Variants in CNTNAP3B observed in about 807,000 individuals in gnomAD.
The protein encoded by CNTNAP3B is contactin-associated protein-like 3B.
In CNTNAP3B, 25 loss-of-function variants were observed where a neutral mutation model predicts 108.9. The ratio of observed to expected loss-of-function variants is 0.23; its 90% CI spans 0.17 to 0.32. The LOEUF is 0.32. Ranked by LOEUF, CNTNAP3B falls within the 10% of genes least tolerant of loss-of-function variation. The probability of loss-of-function intolerance (pLI) is 1.00; values close to 1 mark genes in which losing one functional copy is unlikely to be tolerated. For missense variants in CNTNAP3B, 252 were observed against 1,210.4 expected, an observed-to-expected ratio of 0.21 and a Z score of 11.75; for synonymous variants, 103 against 473.4, an observed-to-expected ratio of 0.22 and a Z score of 10.16.
intron 3 of CNTNAP3B, among the ~76,000 whole-genome samples, chr9:42,070,800 C>T (rs1349227018): frequency 1.6e-4 from 25 of 152,114 alleles, no homozygotes; most frequent in African/African-American, 3.1e-4. Flanking sequence ...CAGTCAGGCC[C>T]GGAAAATAAA....
At chr9:41,916,981 T>C (rs1193382767) in intron 18 of CNTNAP3B, among the ~76,000 whole-genome samples, 1 of 151,406 alleles carries the variant, frequency 6.6e-6, no homozygotes, top group African/African-American at 2.4e-5. Flanking sequence ...TTCTTGACTT[T>C]GGCTTTCAAA....
chr9:42,035,244 C>T (rs62554964), intron 3 of CNTNAP3B, among the ~76,000 whole-genome samples: 1,436 of 138,358 alleles, frequency 0.01, 30 homozygotes, highest in South Asian at 0.045. Flanking sequence ...CACAGTAATC[C>T]CATAAGGCAG....
intron 16 of CNTNAP3B, among the ~76,000 whole-genome samples, chr9:41,923,696 A>T (rs1449216239): frequency 6.6e-6 from 1 of 152,422 alleles, no homozygotes; most frequent in East Asian, 1.9e-4. Context: ...CAGGAGGCTG[A>T]GGTTGCAGTG....
intron 11 of CNTNAP3B, among the ~76,000 whole-genome samples, chr9:41,961,201 G>T (rs1387517021): frequency 1.3e-5 from 2 of 152,306 alleles, no homozygotes; most frequent in Non-Finnish European, 2.9e-5. Context: ...AGATTGTGTT[G>T]GTGTTCAAAC....
intron 2 of CNTNAP3B, among the ~76,000 whole-genome samples, chr9:42,094,817 G>C: frequency 7.9e-6 from 1 of 126,954 alleles, no homozygotes; most frequent in Non-Finnish European, 1.7e-5. Context: ...ACCTTACATG[G>C]TCCACAATAC....
At chr9:41,979,667 A>AAAT (rs1490364758) in intron 9 of CNTNAP3B, 1 of 31,384 alleles carries the variant, frequency 3.2e-5, no homozygotes, top group East Asian at 1.8e-3. Flanking sequence ...ATATATATAT[A>AAAT]TTTTTTTTTT....
rs1220243589 is a variant in CNTNAP3B, at chr9:42,097,665, C to G, written c.196+6964G>C. 1.5e-5 allele frequency among the ~76,000 whole-genome samples: 2 copies of G among 137,662 alleles called. 1 individual carries two copies. 90.3% of individuals were successfully genotyped at this position (137,662 alleles called of 152,430 possible). A position where few individuals can be genotyped will look rare whatever the true frequency, so the allele number is the denominator to read the frequency against. ...ATTAGCTGAATTGTAATTGATCTTA[C>G]ATTTTGATTTTGTGAAATATATATT... On this transcript the variant is annotated intron_variant, in intron 2 of 23. Transcript: ENST00000377561.
chr9:41,976,857 C>T (rs1825524733), intron 9 of CNTNAP3B, among the ~76,000 whole-genome samples: 1 of 131,148 alleles, frequency 7.6e-6, no homozygotes, highest in Non-Finnish European at 1.6e-5. Context: ...GAGGCAGAGG[C>T]TGCAGTGAGC....
chr9:42,049,850 GT>G lies in CNTNAP3B; in HGVS notation c.390+27018del, dbSNP rs1384513046. Among the ~76,000 whole-genome samples, 3 of 31,848 alleles carry G rather than the reference GT, an allele frequency of 9.4e-5. 1 individual carries two copies. The South Asian group carries it at 3.3e-3, about 35-fold the overall frequency. The allele number at this position is 31,848 out of a possible 152,430, so 20.9% of individuals were successfully genotyped here. On this transcript the variant is annotated intron_variant, in intron 3 of 23. Coordinates refer to ENST00000377561, the MANE Select transcript of CNTNAP3B (RefSeq NM_001201380.3). ...TCCCTTATCACTTTTTTGTTTGTTTGTTTGTTTTTGAGACAGGCTCTTGCTT... is the reference window on the plus strand; with the variant it reads ...TCCCTTATCACTTTTTTGTTTGTTTGTTGTTTTTGAGACAGGCTCTTGCTT...
Position 42,076,821 on chromosome 9 carries a change from T to C in CNTNAP3B, c.390+48A>G, listed in dbSNP as rs1356741242. On this transcript the variant is annotated intron_variant, in intron 3 of 23. Coordinates refer to ENST00000377561, the MANE Select transcript of CNTNAP3B (RefSeq NM_001201380.3). The stretch of plus-strand genomic sequence containing the variant: ...AGTAATTCTTAAAATTCTGTTTTTC[T>C]AATAGGTTTGCAGCAATAGGTAGCA... 2.0e-6 allele frequency: 3 copies of C among 1,509,442 alleles called. 1 individual carries two copies. In the East Asian group the frequency reaches 7.2e-5, roughly 36 times the overall value. 93.5% of individuals were successfully genotyped at this position (1,509,442 alleles called of 1,614,324 possible).
chr9:41,931,452 C>A (rs1258387165), intron 14 of CNTNAP3B, among the ~76,000 whole-genome samples: 70 of 152,358 alleles, frequency 4.6e-4, no homozygotes, highest in Middle Eastern at 3.4e-3. Flanking sequence ...TAATCAACTT[C>A]TTTTATAAAA....
At chr9:42,095,988 C>A (rs1305605234) in intron 2 of CNTNAP3B, among the ~76,000 whole-genome samples, 1 of 138,234 alleles carries the variant, frequency 7.2e-6, no homozygotes. Flanking sequence ...TTTTGGTGAC[C>A]CTTTCTCCTC....
chr9:42,116,040 T>C (rs62558079), intron 1 of CNTNAP3B, among the ~76,000 whole-genome samples: 2,996 of 139,424 alleles, frequency 0.021, 531 homozygotes, highest in South Asian at 0.058. Context: ...CAGATGGAGC[T>C]GAAAACCATG....
At chr9:41,963,517 G>T (rs1193207337) in intron 11 of CNTNAP3B, among the ~76,000 whole-genome samples, 2 of 149,978 alleles carry the variant, frequency 1.3e-5, no homozygotes, top group Admixed American at 6.7e-5. Context: ...TATGGCAGAG[G>T]CAGTTGAGAA....
At chr9:41,969,968 A>T in intron 10 of CNTNAP3B, 106 bp downstream of exon 10, 1 of 1,421,578 alleles carries the variant, frequency 7.0e-7, no homozygotes, top group Non-Finnish European at 9.3e-7. Context: ...CTCTCGAAAG[A>T]TAACAACAAC....
intron 3 of CNTNAP3B, among the ~76,000 whole-genome samples, chr9:42,039,085 C>T (rs1205294663): frequency 6.6e-6 from 1 of 152,098 alleles, no homozygotes; most frequent in Non-Finnish European, 1.5e-5. Context: ...ACATTTAAAG[C>T]AGTGTGTAGA....
rs1232775086 is a variant in CNTNAP3B at position 41,957,998 on chromosome 9, G to A, written c.1876+2775C>T. Among the ~76,000 whole-genome samples, 5 of 152,398 alleles carry A rather than the reference G, an allele frequency of 3.3e-5. No homozygotes were observed. The East Asian group carries it at 5.8e-4, about 18-fold the overall frequency. ...AGGATGGTCTCGATCTCCTGACCTCGTGATCCGCCTGCCTCAGCCTCCCAC... is the reference window on the plus strand; with the variant it reads ...AGGATGGTCTCGATCTCCTGACCTCATGATCCGCCTGCCTCAGCCTCCCAC... On this transcript the variant is annotated intron_variant, in intron 12 of 23. Coordinates refer to ENST00000377561, the MANE Select transcript of CNTNAP3B (RefSeq NM_001201380.3).
At chr9:41,925,588 A>G (rs1401570637) in intron 15 of CNTNAP3B, among the ~76,000 whole-genome samples, 36 of 147,376 alleles carry the variant, frequency 2.4e-4, no homozygotes, top group Admixed American at 3.3e-4. Context: ...GCGAGACTCC[A>G]TCTCAAAAAC....
chr9:42,086,142 G>A (rs1827698342), intron 2 of CNTNAP3B, among the ~76,000 whole-genome samples: 1 of 140,900 alleles, frequency 7.1e-6, no homozygotes, highest in Admixed American at 7.0e-5. Flanking sequence ...TTACGTGGCA[G>A]CAAACAAGAG....
Sources: allele counts gnomAD v4.1 joint callset (sites outside exome capture counted in the v4.1 genomes callset), GRCh38; gene constraint gnomAD v4.1.1; transcripts MANE v1.5; gene names NCBI Gene and HGNC (gene_info 2026-07-23, HGNC 2026-07-21).